The following PTH2R variants were observed in gnomAD, a reference collection of about 807,000 sequenced individuals.
PTH2R encodes the protein parathyroid hormone 2 receptor, also known as PTH2 receptor.
A neutral mutation model predicts 60.3 loss-of-function variants in PTH2R; 59 were observed. That is an observed-to-expected ratio of 0.98 (90% CI 0.79 to 1.22). PTH2R has a LOEUF of 1.22. Among genes scored for constraint, PTH2R ranks in the 50% most tolerant of loss-of-function variants. The pLI is 0.00. For synonymous variants in PTH2R, 256 were observed against 243.8 expected (o/e 1.05, Z -0.47); for missense variants, 749 against 682.6 (o/e 1.10, Z -1.08).
chr2:208,429,084 CAAAA>C (rs55835317), intron 2 of PTH2R, among the ~76,000 whole-genome samples: 12 of 126,054 alleles, frequency 9.5e-5, no homozygotes, highest in African/African-American at 8.8e-5. Context: ...CTCTCTGTCT[CAAAA>C]AAAAAAAAAA....
intron 1 of PTH2R, among the ~76,000 whole-genome samples, chr2:208,382,821 C>T (rs1463071051): frequency 2.0e-5 from 3 of 152,180 alleles, no homozygotes. Context: ...GTTTATTAGC[C>T]TGGCATTGAC....
At chr2:208,375,861 T>C (rs1700783137) in intron 1 of PTH2R, among the ~76,000 whole-genome samples, 1 of 151,776 alleles carries the variant, frequency 6.6e-6, no homozygotes, top group Non-Finnish European at 1.5e-5. Context: ...CTCAGCAGAG[T>C]AGGGAGTAAG....
At chr2:208,360,197 A>G (rs1318115526) in exon 1 of PTH2R, 1 of 455,160 alleles carries the variant, frequency 2.2e-6, no homozygotes, top group East Asian at 7.0e-5. Context: ...ACGATAAATG[A>G]AAGCATTTCT....
intron 1 of PTH2R, among the ~76,000 whole-genome samples, chr2:208,394,509 G>A (rs544105057): frequency 6.6e-6 from 1 of 152,182 alleles, no homozygotes; most frequent in African/African-American, 2.4e-5. Flanking sequence ...ACCCATGACT[G>A]CAGGCATGAC....
intron 1 of PTH2R, among the ~76,000 whole-genome samples, chr2:208,418,903 A>G (rs1158538301): frequency 6.6e-6 from 1 of 152,178 alleles, no homozygotes; most frequent in Non-Finnish European, 1.5e-5. Flanking sequence ...GTGGGCATTT[A>G]GTTTTTTCTA....
At chr2:208,412,288 C>A (rs555458943) in intron 1 of PTH2R, among the ~76,000 whole-genome samples, 2 of 152,204 alleles carry the variant, frequency 1.3e-5, no homozygotes, top group Non-Finnish European at 2.9e-5. Context: ...CTCCCAGGAT[C>A]GCACAGCTGT....
chr2:208,417,928 A>G (rs1487509864), intron 1 of PTH2R, among the ~76,000 whole-genome samples: 1 of 151,956 alleles, frequency 6.6e-6, no homozygotes, highest in Non-Finnish European at 1.5e-5. Flanking sequence ...AAATACAAAT[A>G]CCTTATGAGC....
chr2:208,449,193 G>A (rs1438975468), intron 7 of PTH2R, among the ~76,000 whole-genome samples: 2 of 152,104 alleles, frequency 1.3e-5, no homozygotes, highest in Admixed American at 6.6e-5. Context: ...ACTGTATGGT[G>A]GATTTATATC....
At chr2:208,440,141 GAAATA>G (rs1702153273) in intron 4 of PTH2R, among the ~76,000 whole-genome samples, 1 of 152,304 alleles carries the variant, frequency 6.6e-6, no homozygotes, top group Admixed American at 6.5e-5. Context: ...AGAATGAAAT[GAAATA>G]GATGAAGTAC....
chr2:208,420,534 A>C (rs1559214480), intron 1 of PTH2R, among the ~76,000 whole-genome samples: 1 of 152,152 alleles, frequency 6.6e-6, no homozygotes, highest in Non-Finnish European at 1.5e-5. Context: ...TTAATTTATA[A>C]TTAACTTAAA....
chr2:208,371,127 C>T (rs1384120596), intron 1 of PTH2R, among the ~76,000 whole-genome samples: 1 of 152,070 alleles, frequency 6.6e-6, no homozygotes, highest in Non-Finnish European at 1.5e-5. Flanking sequence ...CAGTAGGCCC[C>T]ACCTCCAACT....
intron 1 of PTH2R, among the ~76,000 whole-genome samples, chr2:208,391,891 A>C (rs1701114844): frequency 1.3e-5 from 2 of 152,196 alleles, no homozygotes. Context: ...CTTCCTGAGA[A>C]GCTTCCTCAG....
rs1009599579 is a variant in PTH2R, at chr2:208,493,784, T to A, written c.*125T>A. On this transcript the variant is annotated 3_prime_UTR_variant, in exon 13 of 13. Transcript: ENST00000272847. The stretch of plus-strand genomic sequence containing the variant: ...CAGTTAAGGTGTTACTTAATAATAG[T>A]TTTTAGGCTCCATGAATTGGCTCCT... The A allele has an allele frequency of 1.8e-6, 2 of 1,111,542 alleles. No individual in the cohort carries two copies. The highest frequency in any genetic ancestry group is 2.5e-6 in the Non-Finnish European group (2 of 811,236). The allele number at this position is 1,111,542 out of a possible 1,614,324, so 68.9% of individuals were successfully genotyped here. A position where few individuals can be genotyped will look rare whatever the true frequency, so the allele number is the denominator to read the frequency against.
chr2:208,407,183 A>C, intron 1 of PTH2R, 65 bp downstream of exon 1: 1 of 1,339,430 alleles, frequency 7.5e-7, no homozygotes, highest in East Asian at 2.8e-5. Flanking sequence ...AGCTTTAGCG[A>C]CACGGAGGCC....
chr2:208,449,859 C>G (rs1702367732), intron 7 of PTH2R, among the ~76,000 whole-genome samples: 1 of 151,934 alleles, frequency 6.6e-6, no homozygotes, highest in Non-Finnish European at 1.5e-5. Context: ...TTTGTTTTCC[C>G]CTTTTGTAAG....
At position 208,417,234 on chromosome 2, in the gene PTH2R, G is replaced by A. The variant is rs115561296; in HGVS notation, c.75+10116G>A. On this transcript the variant is annotated intron_variant, in intron 1 of 12. Coordinates refer to ENST00000272847, the MANE Select transcript of PTH2R (RefSeq NM_005048.4). Reference sequence around the variant, plus strand: ...TCCGAGATTTCATTATTTATCTCTCGAAATGCATTAAGGATCCATTTTACA... The same window carrying A: ...TCCGAGATTTCATTATTTATCTCTCAAAATGCATTAAGGATCCATTTTACA... 5.6e-3 allele frequency among the ~76,000 whole-genome samples: 854 copies of A among 152,056 alleles called. 5 individuals are homozygous for A. The highest frequency in any genetic ancestry group is 0.019 in the African/African-American group (802 of 41,492).
intron 9 of PTH2R, among the ~76,000 whole-genome samples, chr2:208,465,650 G>A (rs1441457002): frequency 2.6e-5 from 4 of 151,966 alleles, no homozygotes; most frequent in South Asian, 2.1e-4. Context: ...TGATCCGCCC[G>A]CCTCGGCCTC....
intron 1 of PTH2R, among the ~76,000 whole-genome samples, chr2:208,425,894 C>T (rs770400810): frequency 2.6e-5 from 4 of 152,170 alleles, no homozygotes; most frequent in Non-Finnish European, 5.9e-5. Flanking sequence ...ATGTTGTCTT[C>T]CAGGATCTGT....
intron 1 of PTH2R, among the ~76,000 whole-genome samples, chr2:208,371,194 A>G (rs1700694863): frequency 6.6e-6 from 1 of 152,070 alleles, no homozygotes; most frequent in Admixed American, 6.5e-5. Context: ...TATTCAAACC[A>G]TATCACCACC....
Sources: allele counts gnomAD v4.1 joint callset (sites outside exome capture counted in the v4.1 genomes callset), GRCh38; gene constraint gnomAD v4.1.1; transcripts MANE v1.5; gene names NCBI Gene and HGNC (gene_info 2026-07-23, HGNC 2026-07-21).